Variants in ERMP1 observed in about 807,000 individuals in gnomAD.
ERMP1 encodes endoplasmic reticulum metallopeptidase 1, also known as Felix-ina.
A neutral mutation model predicts 92.0 loss-of-function variants in ERMP1; 86 were observed. The ratio of observed to expected loss-of-function variants is 0.93; its 90% confidence interval spans 0.79 to 1.12. The LOEUF (loss-of-function observed/expected upper bound fraction) is 1.12. Ranked by LOEUF, ERMP1 falls within the 50% of genes most tolerant of loss-of-function variation. The pLI is 0.00. For synonymous variants in ERMP1, 530 were observed against 412.8 expected (o/e 1.28, Z -3.44); for missense variants, 1,342 against 1,116.3 (o/e 1.20, Z -2.88).
At chr9:5,843,485 T>C (rs1383627082) in intron 6 of ERMP1, among the ~76,000 whole-genome samples, 1 of 152,172 alleles carries the variant, frequency 6.6e-6, no homozygotes, top group Non-Finnish European at 1.5e-5. Flanking sequence ...AAAGATAAAA[T>C]ATTTCCCTGA....
intron 4 of ERMP1, among the ~76,000 whole-genome samples, chr9:5,815,487 G>A (rs1586802638): frequency 9.5e-6 from 1 of 105,182 alleles, no homozygotes; most frequent in African/African-American, 3.4e-5. Flanking sequence ...ATAAAGTACT[G>A]AAATAACAAA....
At chr9:5,812,764 A>C in intron 5 of ERMP1, 125 bp downstream of exon 5, 2 of 1,031,442 alleles carry the variant, frequency 1.9e-6, no homozygotes, top group Non-Finnish European at 3.0e-6. Flanking sequence ...TAGTGAGTCA[A>C]TGTATATTTC....
At chr9:5,815,494 CAAAA>C (rs3068691) in intron 4 of ERMP1, among the ~76,000 whole-genome samples, 6 of 97,416 alleles carry the variant, frequency 6.2e-5, no homozygotes, top group Non-Finnish European at 8.3e-5. Context: ...ACTGAAATAA[CAAAA>C]AAAAAAAAAA....
chr9:5,840,655 T>A (rs1407570696), intron 6 of ERMP1, among the ~76,000 whole-genome samples: 4 of 152,272 alleles, frequency 2.6e-5, no homozygotes, highest in Non-Finnish European at 5.9e-5. Flanking sequence ...CACTCCAGTA[T>A]GTTCTTCTGT....
chr9:5,824,643 T>G (rs1476052825), intron 3 of ERMP1, among the ~76,000 whole-genome samples: 1 of 152,012 alleles, frequency 6.6e-6, no homozygotes, highest in Non-Finnish European at 1.5e-5. Context: ...CCTCGTGATC[T>G]GCCTGCCTCG....
rs35765166 is a variant in ERMP1, at chr9:5,784,711, G to GT, written c.*2432dup. 0.13 allele frequency: 19,108 copies of GT among 152,594 alleles called. 1,756 individuals carry two copies. Among genetic ancestry groups the GT allele is most frequent in the African/African-American group, 0.25 (10,488 of 41,470 alleles). 9.5% of individuals were successfully genotyped at this position (152,594 alleles called of 1,614,324 possible). A position where few individuals can be genotyped will look rare whatever the true frequency, so the allele number is the denominator to read the frequency against. On this transcript the variant is annotated 3_prime_UTR_variant, in exon 15 of 15. Transcript: ENST00000339450. Reference sequence around the variant, plus strand: ...AGGCTGGCTTGTGGCCCCCTGGGTGGTAACATCTTAAGGAATCCTATCATG... The same window carrying GT: ...AGGCTGGCTTGTGGCCCCCTGGGTGGTTAACATCTTAAGGAATCCTATCATG...
chr9:5,795,649 G>A (rs1339873418), intron 13 of ERMP1, among the ~76,000 whole-genome samples: 2 of 152,066 alleles, frequency 1.3e-5, no homozygotes, highest in South Asian at 2.1e-4. Flanking sequence ...GTGGTGGCGG[G>A]TGCCTGTATT....
chr9:5,829,629 A>C (rs1350684402), intron 2 of ERMP1, among the ~76,000 whole-genome samples: 4 of 152,246 alleles, frequency 2.6e-5, no homozygotes, highest in African/African-American at 7.2e-5. Flanking sequence ...GAAGTTAAGC[A>C]ATTTGCAAAA....
At chr9:5,794,017 TTCA>T (rs1200763621) in intron 13 of ERMP1, among the ~76,000 whole-genome samples, 2 of 152,092 alleles carry the variant, frequency 1.3e-5, no homozygotes, top group African/African-American at 4.8e-5. Context: ...AAATGGAACA[TTCA>T]TCAAGAGAGA....
At chr9:5,831,366 G>T (rs1829932698) in intron 1 of ERMP1, among the ~76,000 whole-genome samples, 1 of 152,198 alleles carries the variant, frequency 6.6e-6, no homozygotes, top group Admixed American at 6.5e-5. Flanking sequence ...AGGACTTTCG[G>T]AGGCTGAGGT....
At chr9:5,801,698 G>A (rs1200264275) in intron 10 of ERMP1, among the ~76,000 whole-genome samples, 1 of 152,194 alleles carries the variant, frequency 6.6e-6, no homozygotes, top group Admixed American at 6.5e-5. Flanking sequence ...TTTAAGCTTA[G>A]GCAGATCTGT....
At chr9:5,828,266 C>G (rs1473510555) in intron 2 of ERMP1, among the ~76,000 whole-genome samples, 2 of 152,172 alleles carry the variant, frequency 1.3e-5, no homozygotes, top group Non-Finnish European at 2.9e-5. Context: ...AATATGCACT[C>G]CAAAATATGT....
At chr9:5,787,337 G>A (rs752825248) in intron 14 of ERMP1, 29 bp from the exon 15 acceptor site, 6 of 1,606,532 alleles carry the variant, frequency 3.7e-6, no homozygotes, top group African/African-American at 2.7e-5. Context: ...TAGTTCTCCA[G>A]TTCTCAGAAG....
In ERMP1 at chr9:5,787,308, C is replaced by T; in HGVS notation, c.2551G>A (p.Val851Ile). Residue 851 changes from valine (V) to isoleucine (I), a missense_variant and splice_region_variant, in exon 15 of 15, where the codon GTT (valine) becomes ATT (isoleucine). Coordinates refer to ENST00000339450, the MANE Select transcript of ERMP1 (RefSeq NM_024896.3). ...ATTCCTTCAGGATGTTCTTCTGAAA[C>T]CTGCCAGAGAAAATCAATTAGTTCT... ...SAWQFWIEVQ[V>I]SEEHPEGMVT... 1 of 1,611,112 alleles carries T rather than the reference C, an allele frequency of 6.2e-7. No homozygotes were observed.
chr9:5,841,123 T>TA (rs1449132998), intron 6 of ERMP1, among the ~76,000 whole-genome samples: 1 of 152,190 alleles, frequency 6.6e-6, no homozygotes, highest in African/African-American at 2.4e-5. Flanking sequence ...AAAGGCGGTG[T>TA]AAAAAAACCT....
chr9:5,805,480 G>T (rs940902889), intron 9 of ERMP1, 131 bp downstream of exon 9: 1 of 729,808 alleles, frequency 1.4e-6, no homozygotes. Context: ...GATAATTTGT[G>T]TGGTATGAAA....
intron 3 of ERMP1, 139 bp from the exon 4 acceptor site, chr9:5,824,140 C>G: frequency 1.5e-6 from 1 of 660,702 alleles, no homozygotes; most frequent in East Asian, 2.7e-5. Context: ...AGGCAGTATC[C>G]AAAGACATCT....
chr9:5,832,085 T>TAAA (rs71487835), intron 1 of ERMP1, among the ~76,000 whole-genome samples: 1 of 135,828 alleles, frequency 7.4e-6, no homozygotes, highest in Non-Finnish European at 1.6e-5. Flanking sequence ...TTAAAGGTCT[T>TAAA]AAAAAAAAAA....
chr9:5,797,752 T>C, intron 13 of ERMP1, 65 bp downstream of exon 13: 1 of 961,072 alleles, frequency 1.0e-6, no homozygotes, highest in Non-Finnish European at 1.6e-6. Context: ...GGGAAAAACA[T>C]ACATGCCACT....
Sources: allele counts gnomAD v4.1 joint callset (sites outside exome capture counted in the v4.1 genomes callset), GRCh38; gene constraint gnomAD v4.1.1; transcripts MANE v1.5; gene names NCBI Gene and HGNC (gene_info 2026-07-23, HGNC 2026-07-21).